The following PTPRS variants were observed in gnomAD, a reference collection of about 807,000 sequenced individuals.
The protein encoded by PTPRS is receptor-type tyrosine-protein phosphatase S.
PTPRS carries 63 observed loss-of-function variants against 215.3 expected under a neutral mutation model. The ratio of observed to expected loss-of-function variants is 0.29; its 90% CI spans 0.24 to 0.36. The LOEUF (loss-of-function observed/expected upper bound fraction) is 0.36, where lower values mean the gene tolerates loss of function less well. Among genes scored for constraint, PTPRS ranks in the 10% least tolerant of loss-of-function variants. The probability of loss-of-function intolerance (pLI) is 1.00; values close to 1 mark genes in which losing one functional copy is unlikely to be tolerated. For missense variants in PTPRS, 2,258 were observed against 2,825.8 expected (o/e 0.80, Z 4.56); for synonymous variants, 1,404 against 1,191.4 (o/e 1.18, Z -3.68).
At chr19:5,216,908 G>A in intron 25 of PTPRS, 141 bp from the exon 26 acceptor site, 2 of 633,060 alleles carry the variant, frequency 3.2e-6, no homozygotes, top group African/African-American at 3.7e-5. Context: ...CAGCCACCTG[G>A]GCCCCCACCT....
intron 1 of PTPRS, among the ~76,000 whole-genome samples, chr19:5,307,366 A>G (rs12462060): frequency 0.32 from 48,758 of 152,110 alleles, 8,863 homozygotes; most frequent in Non-Finnish European, 0.41. Flanking sequence ...ACAGTACAAG[A>G]GGTCAAATAA....
rs1163516734 is a variant in PTPRS at position 5,244,987 on chromosome 19, T to C, written c.989-505A>G. ...CCGGCCTTTTTTTTCTTTTTTCTTT[T>C]TTTTTTTTTTTAGACGGAGCCTTGC... On this transcript the variant is annotated intron_variant, in intron 10 of 37. Coordinates refer to ENST00000262963, the MANE Select transcript of PTPRS (RefSeq NM_002850.4). This position sits in a 1 kb window ranked among gnomAD's most constrained non-coding sequence, Gnocchi z 7.2. Among the ~76,000 whole-genome samples the C allele has an allele frequency of 6.9e-6, 1 of 145,786 alleles. No homozygotes were observed. The highest frequency in any genetic ancestry group is 1.5e-5 in the Non-Finnish European group (1 of 66,476).
chr19:5,302,179 C>CAA (rs1175901582), intron 1 of PTPRS, among the ~76,000 whole-genome samples: 3 of 151,950 alleles, frequency 2.0e-5, no homozygotes, highest in Non-Finnish European at 4.4e-5. Context: ...ACCTGGGCAA[C>CAA]AAAGAGAGAC....
chr19:5,267,835 G>C (rs917865393), intron 4 of PTPRS, among the ~76,000 whole-genome samples: 4 of 151,868 alleles, frequency 2.6e-5, no homozygotes, highest in South Asian at 4.2e-4. Context: ...AGTGGAGGGG[G>C]TAAAGGGCCG....
intron 1 of PTPRS, among the ~76,000 whole-genome samples, chr19:5,288,250 T>C (rs554216535): frequency 2.4e-4 from 36 of 152,168 alleles, no homozygotes; most frequent in Admixed American, 1.9e-3. Flanking sequence ...TGTCAGACTA[T>C]AGATAGGCCA....
At chr19:5,229,433 G>T (rs934433189) in intron 15 of PTPRS, 58 bp downstream of exon 15, 58 of 1,362,674 alleles carry the variant, frequency 4.3e-5, no homozygotes, top group Non-Finnish European at 5.3e-5. Flanking sequence ...TGGGGGGAGC[G>T]CAAGGGCCCG....
At chr19:5,222,275 C>A (rs2042042467) in intron 18 of PTPRS, 55 bp from the exon 19 acceptor site, 9 of 1,458,526 alleles carry the variant, frequency 6.2e-6, no homozygotes, top group Non-Finnish European at 8.6e-6. Flanking sequence ...CCATGAGTGC[C>A]TGGCACTGGG....
intron 11 of PTPRS, among the ~76,000 whole-genome samples, chr19:5,241,678 G>A (rs1396082226): frequency 6.6e-6 from 1 of 152,054 alleles, no homozygotes; most frequent in African/African-American, 2.4e-5. Context: ...TTCAGTGGGT[G>A]CCTGAGTCTG....
At chr19:5,248,375 C>A (rs993886953) in intron 9 of PTPRS, among the ~76,000 whole-genome samples, 1 of 149,394 alleles carries the variant, frequency 6.7e-6, no homozygotes, top group Admixed American at 6.7e-5. Flanking sequence ...AACACAACAC[C>A]CAAAAGCAAG....
chr19:5,303,876 G>A (rs1032504909), intron 1 of PTPRS, among the ~76,000 whole-genome samples: 5 of 145,786 alleles, frequency 3.4e-5, no homozygotes, highest in East Asian at 2.0e-4. Flanking sequence ...GCTTGAACCC[G>A]GGATACGGAG....
At chr19:5,281,438 G>A (rs1321233965) in intron 2 of PTPRS, among the ~76,000 whole-genome samples, 1 of 152,118 alleles carries the variant, frequency 6.6e-6, no homozygotes, top group Non-Finnish European at 1.5e-5. Context: ...TCCAGCCTGG[G>A]GGACAGGGCA....
At chr19:5,260,980 T>C (rs2045950494) in intron 6 of PTPRS, among the ~76,000 whole-genome samples, 158 bp from the exon 7 acceptor site, 1 of 152,068 alleles carries the variant, frequency 6.6e-6, no homozygotes, top group Non-Finnish European at 1.5e-5. Flanking sequence ...CCTGCGGGCT[T>C]TGCTGAGGAA....
chr19:5,282,977 G>C (rs1339675036), intron 2 of PTPRS, among the ~76,000 whole-genome samples: 2 of 152,188 alleles, frequency 1.3e-5, no homozygotes, highest in African/African-American at 4.8e-5. Flanking sequence ...CTTAGATGAA[G>C]AGACAGAAGT....
rs751626412 is a variant in PTPRS, at chr19:5,215,295, T to G, written c.4312A>C (p.Ile1438Leu). Residue 1438 changes from isoleucine (I) to leucine (L), a missense_variant, in exon 28 of 38, where the codon ATT becomes CTT. Around this residue, in one of 6 missense-constraint regions of PTPRS, gnomAD observed 927 missense variants for 1,125.9 expected, o/e 0.82. Coordinates refer to ENST00000262963, the MANE Select transcript of PTPRS (RefSeq NM_002850.4). ...CCCGGGATCTCCGAACTACCTTCAA[T>G]GGGCTGGAGGATGACACGGGAGTGG... ...YDHSRVILQPIEGIMGSDYIN... is the reference protein window; with the variant it reads ...YDHSRVILQPLEGIMGSDYIN... The G allele has an allele frequency of 3.1e-6, 5 of 1,613,794 alleles. No individual in the cohort carries two copies. The highest frequency in any genetic ancestry group is 4.2e-6 in the Non-Finnish European group (5 of 1,179,880).
At chr19:5,224,715 G>A (rs1014255796) in intron 17 of PTPRS, among the ~76,000 whole-genome samples, 3 of 152,206 alleles carry the variant, frequency 2.0e-5, no homozygotes, top group African/African-American at 7.2e-5. Flanking sequence ...GAGAGAGGAG[G>A]GAAGTGCCCT....
rs1197506570 is a variant in PTPRS, at chr19:5,294,471, G to A, written c.-94-8237C>T. 1 of 152,202 alleles carries A rather than the reference G, an allele frequency of 6.6e-6. No homozygotes were observed. The highest frequency in any genetic ancestry group is 2.4e-5 in the African/African-American group (1 of 41,446). The allele number at this position is 152,202 out of a possible 1,614,324, so 9.4% of individuals were successfully genotyped here. A position where few individuals can be genotyped will look rare whatever the true frequency, so the allele number is the denominator to read the frequency against. On this transcript the variant is annotated intron_variant, in intron 1 of 37. Coordinates refer to ENST00000262963, the MANE Select transcript of PTPRS (RefSeq NM_002850.4). The surrounding 1 kb of genome is among the most constrained non-coding windows in gnomAD (Gnocchi z 5.1). ...GTTTATCTAGGTACAGGGCCATCCT[G>A]AAGACAGACGCCCCACTCTCTAGAA...
At chr19:5,317,950 C>G (rs2049923145) in intron 1 of PTPRS, among the ~76,000 whole-genome samples, 1 of 151,968 alleles carries the variant, frequency 6.6e-6, no homozygotes, top group Non-Finnish European at 1.5e-5. Context: ...GGCGGGCGGA[C>G]CATGAGGTCA....
intron 2 of PTPRS, among the ~76,000 whole-genome samples, chr19:5,282,677 C>T (rs1264126206): frequency 6.6e-6 from 1 of 152,076 alleles, no homozygotes; most frequent in African/African-American, 2.4e-5. Flanking sequence ...GTGGTACACG[C>T]CTGTAATCCC....
At position 5,264,984 on chromosome 19, in the gene PTPRS, G is replaced by A. The variant is rs577634609; in HGVS notation, c.568+24C>T. The A allele has an allele frequency of 2.3e-5, 37 of 1,612,420 alleles. No individual in the cohort carries two copies. The East Asian group carries it at 2.5e-4, about 11-fold the overall frequency. The stretch of plus-strand genomic sequence containing the variant: ...CCCTGCTGCCCTCCAAGGCTCCCAC[G>A]TCCTGTCAGCCACCCTCACTCACCT... On this transcript the variant is annotated intron_variant, in intron 5 of 37. Transcript: ENST00000262963.
Sources: gnomAD v4.1 joint callset for allele counts (sites outside exome capture counted in the v4.1 genomes callset) on GRCh38, gnomAD v4.1.1 for gene constraint, gnomAD v4.1.1 regional missense constraint, Gnocchi (gnomAD v3.1) non-coding constraint, MANE v1.5 for transcripts, NCBI Gene and HGNC (gene_info 2026-07-23, HGNC 2026-07-21) for gene names.